The following CLSTN2 variants were observed in gnomAD, a reference collection of about 807,000 sequenced individuals.
CLSTN2 encodes calsyntenin 2.
In CLSTN2, 48 loss-of-function variants were observed where a neutral mutation model predicts 101.2. That is an observed-to-expected ratio of 0.47 (90% CI 0.38 to 0.60). The LOEUF (loss-of-function observed/expected upper bound fraction) is 0.60. Among genes scored for constraint, CLSTN2 ranks in the 20% least tolerant of loss-of-function variants. The probability of loss-of-function intolerance (pLI) is 0.00; values close to 1 mark genes in which losing one functional copy is unlikely to be tolerated. For synonymous variants in CLSTN2, 481 were observed against 463.6 expected (o/e 1.04, Z -0.48); for missense variants, 1,160 against 1,238.2 (o/e 0.94, Z 0.95).
At chr3:140,326,489 TG>T (rs1200318921) in intron 2 of CLSTN2, among the ~76,000 whole-genome samples, 2 of 152,212 alleles carry the variant, frequency 1.3e-5, no homozygotes, top group African/African-American at 2.4e-5. Context: ...GAACCTAGAA[TG>T]GGCTGGGCAT....
rs556077438 is a variant in CLSTN2, at chr3:140,462,736, C to T, written c.1222+2967C>T. 1.1e-4 allele frequency: 16 copies of T among 152,102 alleles called. No individual in the cohort carries two copies. In the East Asian group the frequency reaches 3.1e-3, roughly 29 times the overall value. 9.4% of individuals were successfully genotyped at this position (152,102 alleles called of 1,614,324 possible). ...CATGGTTTTACCTCCTGTCATTGTC[C>T]AGCAGCCCCACATGGGTCTGGAGGG... On this transcript the variant is annotated intron_variant, in intron 7 of 16. Transcript: ENST00000458420.
intron 5 of CLSTN2, among the ~76,000 whole-genome samples, chr3:140,439,030 G>A (rs1366026484): frequency 6.6e-6 from 1 of 152,220 alleles, no homozygotes; most frequent in Non-Finnish European, 1.5e-5. Flanking sequence ...GGAGGGCTTG[G>A]CACAGGCTCT....
At chr3:140,325,477 C>G (rs192966491) in intron 2 of CLSTN2, among the ~76,000 whole-genome samples, 63 of 152,284 alleles carry the variant, frequency 4.1e-4, no homozygotes, top group African/African-American at 1.5e-3. Flanking sequence ...AAGCAAGGAT[C>G]AAAGCTTAAG....
At chr3:140,124,573 C>T (rs1205841713) in intron 1 of CLSTN2, among the ~76,000 whole-genome samples, 1 of 152,058 alleles carries the variant, frequency 6.6e-6, no homozygotes, top group Non-Finnish European at 1.5e-5. Flanking sequence ...AGATAAGTCC[C>T]CTGTATTTGG....
intron 4 of CLSTN2, among the ~76,000 whole-genome samples, chr3:140,406,872 G>T (rs993483): frequency 0.77 from 116,603 of 152,236 alleles, 45,042 homozygotes; most frequent in Admixed American, 0.81. Context: ...GAGATGCAAA[G>T]TCTTTCTTTG....
intron 2 of CLSTN2, among the ~76,000 whole-genome samples, chr3:140,323,050 C>T (rs1237964608): frequency 6.6e-6 from 1 of 152,174 alleles, no homozygotes; most frequent in East Asian, 1.9e-4. Context: ...TATTTGTTAA[C>T]AGCGCCACAG....
intron 1 of CLSTN2, among the ~76,000 whole-genome samples, chr3:140,126,572 C>T (rs1001321362): frequency 2.6e-5 from 4 of 152,058 alleles, no homozygotes; most frequent in Admixed American, 2.0e-4. Flanking sequence ...TCTCCAAATT[C>T]CAAAGGGCCT....
intron 1 of CLSTN2, among the ~76,000 whole-genome samples, chr3:140,104,689 C>G (rs561628909): frequency 2.0e-5 from 3 of 152,140 alleles, no homozygotes; most frequent in Non-Finnish European, 4.4e-5. Flanking sequence ...AATTAAAAGG[C>G]AAGATTAGAT....
At chr3:140,403,855 C>CGA in intron 3 of CLSTN2, 31 bp downstream of exon 3, 1 of 1,561,254 alleles carries the variant, frequency 6.4e-7, no homozygotes, top group South Asian at 1.2e-5. Context: ...CTCTGGACGC[C>CGA]CCTCCCTCCC....
intron 2 of CLSTN2, among the ~76,000 whole-genome samples, chr3:140,284,389 G>T (rs1220996432): frequency 6.6e-6 from 1 of 152,112 alleles, no homozygotes. Flanking sequence ...AGTCTTTAAG[G>T]TACAACAGCC....
intron 1 of CLSTN2, among the ~76,000 whole-genome samples, chr3:140,139,685 G>A (rs1234153426): frequency 1.3e-5 from 2 of 152,164 alleles, no homozygotes; most frequent in Admixed American, 1.3e-4. Flanking sequence ...TATTTAATTC[G>A]ATCCGACTCT....
At chr3:140,545,553 A>C (rs994922965) in intron 9 of CLSTN2, among the ~76,000 whole-genome samples, 6 of 152,374 alleles carry the variant, frequency 3.9e-5, no homozygotes, top group Admixed American at 3.9e-4. Context: ...CTGAACAAAC[A>C]GTACAAGATC....
At chr3:140,504,336 AT>A (rs11286922) in intron 8 of CLSTN2, among the ~76,000 whole-genome samples, 8,032 of 151,988 alleles carry the variant, frequency 0.053, 683 homozygotes, top group African/African-American at 0.18. Context: ...CTAATATTAT[AT>A]ACGATTCAAG....
chr3:140,507,132 G>GT (rs1934700012), intron 8 of CLSTN2: 1 of 152,168 alleles, frequency 6.6e-6, no homozygotes, highest in African/African-American at 2.4e-5. Flanking sequence ...CGAGAACCAT[G>GT]TAAGTATTAT....
chr3:140,255,030 G>A (rs754096385), intron 2 of CLSTN2, among the ~76,000 whole-genome samples: 6 of 152,154 alleles, frequency 3.9e-5, no homozygotes, highest in Non-Finnish European at 7.4e-5. Flanking sequence ...CATACATGTG[G>A]CTGATAAGCA....
rs770995848 is a variant in CLSTN2, at chr3:140,532,426, G to A, written c.1447G>A (p.Asp483Asn). The A allele has an allele frequency of 5.6e-6, 9 of 1,613,810 alleles. No homozygotes were observed. The highest frequency in any genetic ancestry group is 2.2e-5 in the East Asian group (1 of 44,892). Residue 483 changes from aspartate (D) to asparagine (N), a missense_variant, in exon 9 of 17, where the codon GAC (aspartate) becomes AAC (asparagine). By Grantham distance (23) the Asp-to-Asn change is conservative. Transcript: ENST00000458420. Reference protein sequence around the residue: ...ATYEPYLVTNDWPIHPSHIAM... With the variant: ...ATYEPYLVTNNWPIHPSHIAM... The stretch of plus-strand genomic sequence containing the variant: ...ATATGAACCATACCTGGTGACCAAC[G>A]ACTGGCCCATTCATCCATCTCACAT...
intron 2 of CLSTN2, among the ~76,000 whole-genome samples, chr3:140,397,742 T>C (rs942615411): frequency 1.3e-5 from 2 of 152,228 alleles, no homozygotes; most frequent in Non-Finnish European, 2.9e-5. Context: ...TTGGTTTCAA[T>C]GTATGAACTT....
At chr3:140,320,235 G>A (rs542490593) in intron 2 of CLSTN2, among the ~76,000 whole-genome samples, 78 of 152,262 alleles carry the variant, frequency 5.1e-4, no homozygotes, top group African/African-American at 1.6e-3. Flanking sequence ...CCTGGAGAAC[G>A]TCACAGACTC....
intron 8 of CLSTN2, among the ~76,000 whole-genome samples, chr3:140,495,817 G>T (rs1934452855): frequency 6.6e-6 from 1 of 152,110 alleles, no homozygotes; most frequent in South Asian, 2.1e-4. Context: ...TGTTCCATTG[G>T]TCTATGTGTC....
Sources: gnomAD v4.1 joint callset for allele counts (sites outside exome capture counted in the v4.1 genomes callset) on GRCh38, gnomAD v4.1.1 for gene constraint, MANE v1.5 for transcripts, NCBI Gene and HGNC (gene_info 2026-07-23, HGNC 2026-07-21) for gene names.